VPS8: variants seen among roughly 807,000 people sequenced by gnomAD.
The protein encoded by VPS8 is vacuolar protein sorting-associated protein 8 homolog.
A neutral mutation model predicts 216.4 loss-of-function variants in VPS8; 129 were observed. That is an observed-to-expected ratio of 0.60 (90% confidence interval 0.52 to 0.69). VPS8 has a LOEUF of 0.69. VPS8 is among the 30% of genes least tolerant of loss of function. VPS8 has a pLI of 0.00. For missense variants in VPS8, 1,531 were observed against 1,683.5 expected (o/e 0.91, Z 1.59); for synonymous variants, 571 against 565.4 (o/e 1.01, Z -0.14).
At chr3:184,978,588 CAG>C (rs1749695999) in intron 40 of VPS8, among the ~76,000 whole-genome samples, 1 of 151,962 alleles carries the variant, frequency 6.6e-6, no homozygotes, top group African/African-American at 2.4e-5. Flanking sequence ...TTTGTAGAAA[CAG>C]GGTCTCCCCA....
chr3:184,880,366 T>A (rs1016963784), intron 21 of VPS8, among the ~76,000 whole-genome samples: 1 of 152,062 alleles, frequency 6.6e-6, no homozygotes, highest in Non-Finnish European at 1.5e-5. Flanking sequence ...GTTCCTCATC[T>A]CTATAAATTA....
chr3:185,036,948 C>T (rs1758991504), intron 46 of VPS8, among the ~76,000 whole-genome samples: 1 of 151,534 alleles, frequency 6.6e-6, no homozygotes, highest in African/African-American at 2.4e-5. Context: ...TATTATAAGC[C>T]CAACATTTTA....
At chr3:185,019,477 T>A (rs957722601) in intron 45 of VPS8, among the ~76,000 whole-genome samples, 1 of 152,232 alleles carries the variant, frequency 6.6e-6, no homozygotes, top group Admixed American at 6.5e-5. Flanking sequence ...TGATAAGCAT[T>A]GTTTCTATAA....
intron 22 of VPS8, among the ~76,000 whole-genome samples, chr3:184,887,426 T>C (rs556632782): frequency 6.6e-6 from 1 of 152,030 alleles, no homozygotes; most frequent in East Asian, 1.9e-4. Flanking sequence ...TTTTCCACAC[T>C]AATAATGATA....
rs756408581 is a variant in VPS8 at position 184,870,815 on chromosome 3, G to T, written c.1734+10G>T. 6.2e-7 allele frequency: 1 copy of T among 1,606,458 alleles called. No homozygotes were observed. The highest frequency in any genetic ancestry group is 8.5e-7 in the Non-Finnish European group (1 of 1,175,762). On this transcript the variant is annotated intron_variant, in intron 21 of 47. Coordinates refer to ENST00000625842, the MANE Select transcript of VPS8 (RefSeq NM_001009921.3). ...GGAGCAGCATTTTCAGGTACACATTGCATGTGCTTCCAGTAGACGATGCTC... is the reference window on the plus strand; with the variant it reads ...GGAGCAGCATTTTCAGGTACACATTTCATGTGCTTCCAGTAGACGATGCTC...
chr3:184,961,509 T>G (rs2109520599), intron 37 of VPS8, among the ~76,000 whole-genome samples: 1 of 152,296 alleles, frequency 6.6e-6, no homozygotes, highest in African/African-American at 2.4e-5. Context: ...TCTTATTGTT[T>G]TTGTTTGTTT....
At chr3:184,840,413 T>A (rs576309497) in intron 7 of VPS8, 1 of 152,208 alleles carries the variant, frequency 6.6e-6, no homozygotes, top group African/African-American at 2.4e-5. Context: ...ACTGTTAGAT[T>A]TTTGTGGCCG....
chr3:184,964,385 T>C (rs1316300115), intron 37 of VPS8, 83 bp from the exon 38 acceptor site: 11 of 748,756 alleles, frequency 1.5e-5, no homozygotes, highest in Non-Finnish European at 2.2e-5. Context: ...ATTTATCATA[T>C]GAGTTTTTTC....
chr3:184,834,745 A>G lies in VPS8; in HGVS notation c.447+3A>G. 1 of 1,554,756 alleles carries G rather than the reference A, an allele frequency of 6.4e-7. No individual in the cohort carries two copies. Among genetic ancestry groups the G allele is most frequent in the Non-Finnish European group, 8.7e-7 (1 of 1,148,136 alleles). On this transcript the variant is annotated splice_donor_region_variant and intron_variant, in intron 5 of 47. Coordinates refer to ENST00000625842, the MANE Select transcript of VPS8 (RefSeq NM_001009921.3). ...CTGCCCAGATAGTGTCTGCAGCTGT[A>G]AGTATTTTGTTCTTTTCCCTCAACT...
chr3:185,025,960 C>G (rs1408024563), intron 46 of VPS8, among the ~76,000 whole-genome samples: 1 of 151,526 alleles, frequency 6.6e-6, no homozygotes, highest in African/African-American at 2.4e-5. Context: ...ATGAAATAGT[C>G]TACTGCTTAA....
intron 36 of VPS8, among the ~76,000 whole-genome samples, chr3:184,952,293 TGGGGATTTTTCCCCACACACCAATCAA>T: frequency 6.6e-6 from 1 of 152,274 alleles, no homozygotes; most frequent in African/African-American, 2.4e-5. Context: ...GTGACGTGTG[TGGGGATTTTTCCCCACACACCAATCAA>T]GCAGTTCTCT....
At chr3:184,819,597 TTAA>T (rs1201895497) in intron 1 of VPS8, among the ~76,000 whole-genome samples, 6 of 152,342 alleles carry the variant, frequency 3.9e-5, no homozygotes, top group African/African-American at 1.2e-4. Flanking sequence ...AAGGGCCTGC[TTAA>T]TAAACACATG....
intron 36 of VPS8, among the ~76,000 whole-genome samples, chr3:184,944,331 T>G (rs957872874): frequency 1.3e-5 from 2 of 152,192 alleles, no homozygotes; most frequent in African/African-American, 4.8e-5. Flanking sequence ...ATTACTTGCC[T>G]GAATTAAGGA....
At chr3:184,941,888 C>G (rs924783718) in intron 36 of VPS8, among the ~76,000 whole-genome samples, 13 of 150,966 alleles carry the variant, frequency 8.6e-5, no homozygotes, top group African/African-American at 3.2e-4. Context: ...TGATGGTGAC[C>G]AAGTATATTT....
chr3:184,950,406 C>T (rs1744488612), intron 36 of VPS8, among the ~76,000 whole-genome samples: 1 of 151,196 alleles, frequency 6.6e-6, no homozygotes, highest in African/African-American at 2.4e-5. Flanking sequence ...ATTGTAAAAG[C>T]AATATATGAA....
intron 2 of VPS8, chr3:184,825,164 C>A: frequency 4.7e-6 from 1 of 212,754 alleles, no homozygotes; most frequent in South Asian, 6.9e-5. Flanking sequence ...TTGGCCCCCA[C>A]GTGTATAGTT....
chr3:184,824,436 T>G, intron 1 of VPS8, 109 bp from the exon 2 acceptor site: 1 of 574,380 alleles, frequency 1.7e-6, no homozygotes. Context: ...TGCAATCGGA[T>G]GTTTAGGTGA....
At chr3:185,044,873 C>G (rs936830852) in intron 46 of VPS8, among the ~76,000 whole-genome samples, 1 of 152,156 alleles carries the variant, frequency 6.6e-6, no homozygotes, top group African/African-American at 2.4e-5. Flanking sequence ...GAGTCAGGTT[C>G]AATCTGAGAG....
rs201659981 is a variant in VPS8 at position 184,868,939 on chromosome 3, G to A, written c.1507-7G>A. The A allele has an allele frequency of 8.7e-5, 140 of 1,601,362 alleles. No homozygotes were observed. The highest frequency in any genetic ancestry group is 1.2e-4 in the Admixed American group (7 of 58,170). ...GGGGCCTGGTTTCTCTCATTTTTCC[G>A]TTTTAGAGAGTGGATCATCTCCTGA... On this transcript the variant is annotated splice_region_variant and splice_polypyrimidine_tract_variant and intron_variant, in intron 18 of 47. Coordinates refer to ENST00000625842, the MANE Select transcript of VPS8 (RefSeq NM_001009921.3).
Sources: allele counts gnomAD v4.1 joint callset (sites outside exome capture counted in the v4.1 genomes callset), GRCh38; gene constraint gnomAD v4.1.1; transcripts MANE v1.5; gene names NCBI Gene and HGNC (gene_info 2026-07-23, HGNC 2026-07-21).